PRKCQ: variants seen among roughly 807,000 people sequenced by gnomAD.
PRKCQ encodes protein kinase C theta.
Under a neutral mutation model 91.2 loss-of-function variants are expected in PRKCQ, and 41 were observed. That is an observed-to-expected ratio of 0.45 (90% confidence interval 0.35 to 0.58). The LOEUF (loss-of-function observed/expected upper bound fraction) is 0.58. Ranked by LOEUF, PRKCQ falls within the 20% of genes least tolerant of loss-of-function variation. PRKCQ has a pLI of 0.00. For missense variants in PRKCQ, 673 were observed against 896.5 expected, an observed-to-expected ratio of 0.75 and a Z score of 3.18; for synonymous variants, 307 against 316.9, an observed-to-expected ratio of 0.97 and a Z score of 0.33.
At chr10:6,479,625 T>C (rs1274785482) in intron 11 of PRKCQ, among the ~76,000 whole-genome samples, 1 of 151,932 alleles carries the variant, frequency 6.6e-6, no homozygotes, top group East Asian at 1.9e-4. Context: ...TAGTTCTCCT[T>C]GTGTACTTAA....
At chr10:6,515,564 T>C in intron 1 of PRKCQ, 1 of 959,060 alleles carries the variant, frequency 1.0e-6, no homozygotes, top group South Asian at 4.8e-5. Flanking sequence ...TTAGTCACAC[T>C]AGTTAAATAT....
At chr10:6,542,654 G>A (rs146852139) in intron 1 of PRKCQ, among the ~76,000 whole-genome samples, 438 of 152,248 alleles carry the variant, frequency 2.9e-3, no homozygotes, top group Admixed American at 4.4e-3. Context: ...CTAGGTACCC[G>A]TCACCATCCA....
At position 6,577,433 on chromosome 10, in the gene PRKCQ, G is replaced by C. The variant is rs1256388216; in HGVS notation, c.-10+2778C>G. ...AAAAAGCTGAGCTGAACACATAGCT[G>C]CTTAGAAATGAGCTGCTTAAAGTGT... is the stretch of plus-strand genomic sequence containing the variant. On this transcript the variant is annotated intron_variant, in intron 1 of 17. Coordinates refer to ENST00000263125, the MANE Select transcript of PRKCQ (RefSeq NM_006257.5). Among the ~76,000 whole-genome samples the C allele has an allele frequency of 3.9e-5, 6 of 152,300 alleles. No individual in the cohort carries two copies. The East Asian group carries it at 9.6e-4, about 24-fold the overall frequency.
At chr10:6,467,367 G>C (rs892738688) in intron 12 of PRKCQ, among the ~76,000 whole-genome samples, 1 of 109,864 alleles carries the variant, frequency 9.1e-6, no homozygotes, top group African/African-American at 3.2e-5. Context: ...CAGAGAGAGA[G>C]AGAGAGACAG....
At chr10:6,491,575 G>T (rs1434091928) in intron 8 of PRKCQ, 108 bp downstream of exon 8, 3 of 1,423,744 alleles carry the variant, frequency 2.1e-6, no homozygotes, top group Non-Finnish European at 2.9e-6. Context: ...TGTCTGGGCT[G>T]GGTGTGGAAG....
chr10:6,528,112 C>A (rs942149664), intron 1 of PRKCQ, among the ~76,000 whole-genome samples: 1 of 152,044 alleles, frequency 6.6e-6, no homozygotes, highest in Non-Finnish European at 1.5e-5. Flanking sequence ...CCTCTTCCCT[C>A]CTGCTTGCCC....
At chr10:6,433,851 T>C (rs371557255) in intron 16 of PRKCQ, among the ~76,000 whole-genome samples, 2 of 151,846 alleles carry the variant, frequency 1.3e-5, no homozygotes, top group East Asian at 3.9e-4. Flanking sequence ...GCCAACATAG[T>C]GAAACCCCAT....
intron 1 of PRKCQ, among the ~76,000 whole-genome samples, chr10:6,549,386 A>T (rs1840093390): frequency 6.6e-6 from 1 of 152,156 alleles, no homozygotes; most frequent in South Asian, 2.1e-4. Context: ...GACTGGACTA[A>T]AGCAAGAAGT....
chr10:6,406,692 T>C, the PRKCQ span, among the ~76,000 whole-genome samples: 1 of 152,198 alleles, frequency 6.6e-6, no homozygotes, highest in African/African-American at 2.4e-5. Context: ...GCAGATCTTA[T>C]GATAATATGT....
At chr10:6,456,580 A>T in intron 15 of PRKCQ, 94 bp downstream of exon 15, 2 of 1,463,674 alleles carry the variant, frequency 1.4e-6, no homozygotes, top group Non-Finnish European at 1.8e-6. Flanking sequence ...TTGAATGAAG[A>T]TATTTAAAAC....
At chr10:6,476,726 C>CA (rs1564332722) in intron 12 of PRKCQ, among the ~76,000 whole-genome samples, 1 of 151,788 alleles carries the variant, frequency 6.6e-6, no homozygotes, top group African/African-American at 2.4e-5. Flanking sequence ...TTATTTATGG[C>CA]AAAAAAGAAA....
intron 1 of PRKCQ, among the ~76,000 whole-genome samples, chr10:6,548,291 T>C (rs1008625267): frequency 4.6e-5 from 7 of 151,892 alleles, no homozygotes; most frequent in South Asian, 2.1e-4. Context: ...GGTGGGACTG[T>C]CAACTAGTTC....
At chr10:6,527,668 C>G (rs1033011881) in intron 1 of PRKCQ, among the ~76,000 whole-genome samples, 2 of 152,158 alleles carry the variant, frequency 1.3e-5, no homozygotes, top group Middle Eastern at 3.2e-3. Flanking sequence ...CAGGAGACAG[C>G]GGTCACTTCA....
chr10:6,534,765 AACAT>A (rs1839508572), intron 1 of PRKCQ, among the ~76,000 whole-genome samples: 1 of 119,284 alleles, frequency 8.4e-6, no homozygotes, highest in Non-Finnish European at 1.7e-5. Flanking sequence ...GTTAAATAGA[AACAT>A]ATATCTATAT....
the PRKCQ span, among the ~76,000 whole-genome samples, chr10:6,401,155 A>G: frequency 0.026 from 3,992 of 152,220 alleles, 76 homozygotes; most frequent in African/African-American, 0.043. Flanking sequence ...ACAGAACATT[A>G]CAGCCATCTT....
At chr10:6,575,741 AAAG>A (rs1404706440) in intron 1 of PRKCQ, among the ~76,000 whole-genome samples, 2 of 152,222 alleles carry the variant, frequency 1.3e-5, no homozygotes, top group Non-Finnish European at 1.5e-5. Flanking sequence ...AGGCTACTAT[AAAG>A]AAGATTTTTA....
chr10:6,566,295 TAC>T (rs1840833612), intron 1 of PRKCQ, among the ~76,000 whole-genome samples: 1 of 32,500 alleles, frequency 3.1e-5, no homozygotes, highest in African/African-American at 4.6e-5. Flanking sequence ...TTCTCTGACC[TAC>T]ACTGGCTGTT....
intron 16 of PRKCQ, among the ~76,000 whole-genome samples, chr10:6,439,558 C>T (rs1156983307): frequency 6.6e-6 from 1 of 152,144 alleles, no homozygotes; most frequent in Non-Finnish European, 1.5e-5. Context: ...CTCTGCCACT[C>T]CTAAGACAGC....
chr10:6,432,669 C>T (rs756595691), intron 16 of PRKCQ, among the ~76,000 whole-genome samples: 1 of 152,140 alleles, frequency 6.6e-6, no homozygotes, highest in Non-Finnish European at 1.5e-5. Flanking sequence ...AAAGGAAGGG[C>T]TAGACAAGGT....
Sources: allele counts gnomAD v4.1 joint callset (sites outside exome capture counted in the v4.1 genomes callset), GRCh38; gene constraint gnomAD v4.1.1; transcripts MANE v1.5; gene names NCBI Gene and HGNC (gene_info 2026-07-23, HGNC 2026-07-21).